Variants in ATP13A3 observed in about 807,000 individuals in gnomAD.
The protein encoded by ATP13A3 is polyamine-transporting ATPase 13A3.
A neutral mutation model predicts 158.1 loss-of-function variants in ATP13A3; 59 were observed. That is an observed-to-expected ratio of 0.37 (90% CI 0.30 to 0.46). The LOEUF (loss-of-function observed/expected upper bound fraction) is 0.46, where lower values mean the gene tolerates loss of function less well. ATP13A3 is among the 20% of genes least tolerant of loss of function. The pLI, the probability that ATP13A3 is intolerant of heterozygous loss-of-function variation, is 1.00. For missense variants in ATP13A3, 1,166 were observed against 1,525.2 expected, an observed-to-expected ratio of 0.76 and a Z score of 3.92; for synonymous variants, 491 against 504.3, an observed-to-expected ratio of 0.97 and a Z score of 0.35.
chr3:194,409,979 GT>G (rs1414227776), intron 33 of ATP13A3, among the ~76,000 whole-genome samples: 2 of 151,800 alleles, frequency 1.3e-5, no homozygotes, highest in African/African-American at 2.4e-5. Flanking sequence ...AAGCCAGTAA[GT>G]TTTTAAGTCT....
chr3:194,438,390 C>T lies in ATP13A3; in HGVS notation c.1827+466G>A, dbSNP rs78374117. ...TTAAAAATTCACCTAAAAGTAAAGCCTTTCATACATACTTTTTATTAAATT... is the reference window on the plus strand; with the variant it reads ...TTAAAAATTCACCTAAAAGTAAAGCTTTTCATACATACTTTTTATTAAATT... On this transcript the variant is annotated intron_variant, in intron 17 of 33. Transcript: ENST00000645319. Among the ~76,000 whole-genome samples, 980 of 152,110 alleles carry T rather than the reference C, an allele frequency of 6.4e-3. 12 individuals are homozygous for T. Among genetic ancestry groups the T allele is most frequent in the African/African-American group, 0.022 (926 of 41,486 alleles).
chr3:194,464,236 C>G (rs2108990377), intron 2 of ATP13A3, among the ~76,000 whole-genome samples: 1 of 152,288 alleles, frequency 6.6e-6, no homozygotes, highest in African/African-American at 2.4e-5. Context: ...ACATTCTTAT[C>G]AAATATGTGA....
At chr3:194,457,030 G>T in intron 7 of ATP13A3, 64 bp downstream of exon 7, 1 of 1,170,606 alleles carries the variant, frequency 8.5e-7, no homozygotes, top group South Asian at 1.3e-5. Context: ...GTAAAGGGTT[G>T]ATTATGTATA....
chr3:194,414,842 G>C (rs753652313), intron 31 of ATP13A3, among the ~76,000 whole-genome samples: 4 of 152,188 alleles, frequency 2.6e-5, no homozygotes, highest in African/African-American at 4.8e-5. Flanking sequence ...GGGATCTGTT[G>C]GGTGGAACAC....
chr3:194,454,451 C>T (rs1719050254), intron 8 of ATP13A3, 59 bp from the exon 9 acceptor site: 1 of 1,480,524 alleles, frequency 6.8e-7, no homozygotes. Flanking sequence ...TACAGATTGT[C>T]CATCTTTTCA....
At chr3:194,485,940 T>A (rs185831406) in intron 1 of ATP13A3, 105 bp from the exon 2 acceptor site, 1 of 151,634 alleles carries the variant, frequency 6.6e-6, no homozygotes, top group African/African-American at 2.4e-5. Flanking sequence ...TCCCCCTTCA[T>A]CCCTACCCCT....
chr3:194,488,159 T>A (rs773354647), upstream of ATP13A3: 3 of 152,398 alleles, frequency 2.0e-5, no homozygotes, highest in Non-Finnish European at 4.4e-5. The surrounding 1 kb of genome is among the most constrained non-coding windows in gnomAD (Gnocchi z 4.1). Context: ...AGCTTTCTCT[T>A]CCCAATCCCT....
At chr3:194,425,784 GTTTT>G (rs998270465) in intron 29 of ATP13A3, among the ~76,000 whole-genome samples, 9 of 152,096 alleles carry the variant, frequency 5.9e-5, no homozygotes, top group Non-Finnish European at 5.9e-5. Context: ...GCCCCCCTCA[GTTTT>G]TTTAATTTTG....
chr3:194,446,794 T>C, intron 14 of ATP13A3, 133 bp downstream of exon 14: 1 of 825,834 alleles, frequency 1.2e-6, no homozygotes, highest in Non-Finnish European at 1.9e-6. Context: ...ACCAAATAAG[T>C]GGAGGAAAAG....
At chr3:194,453,857 A>G in intron 9 of ATP13A3, 79 bp from the exon 10 acceptor site, 1 of 1,036,142 alleles carries the variant, frequency 9.7e-7, no homozygotes, top group South Asian at 1.4e-5. Context: ...CTAAAAAAAT[A>G]AGTTAATTCA....
intron 30 of ATP13A3, among the ~76,000 whole-genome samples, chr3:194,421,119 TATATATATATATATATA>T (rs2108769587): frequency 2.7e-5 from 1 of 36,620 alleles, no homozygotes; most frequent in Non-Finnish European, 4.8e-5. Flanking sequence ...AGGGTGTATA[TATATATATATATATATA>T]GTATATATAT....
At chr3:194,473,292 A>T (rs573755135) in intron 2 of ATP13A3, among the ~76,000 whole-genome samples, 1 of 152,292 alleles carries the variant, frequency 6.6e-6, no homozygotes, top group East Asian at 1.9e-4. Context: ...AACAAATGAT[A>T]ATGGGGCGGA....
chr3:194,437,192 A>G lies in ATP13A3; in HGVS notation c.2023T>C (p.Leu675=). 1 of 1,614,108 alleles carries G rather than the reference A, an allele frequency of 6.2e-7. No homozygotes were observed. Among genetic ancestry groups the G allele is most frequent in the South Asian group, 1.1e-5 (1 of 91,060 alleles). The part of the protein sequence containing the change: ...ETVPVDFQNV[L]EDFTKQGFRV... ...AAGCCCTGTTTAGTGAAGTCTTCCA[A>G]AACGTTTTGAAAATCGACAGGAACT... Residue 675 remains leucine, a synonymous_variant, in exon 20 of 34, where the codon TTG becomes CTG. Coordinates refer to ENST00000645319, the MANE Select transcript of ATP13A3 (RefSeq NM_001367549.1).
At chr3:194,471,317 C>T (rs1577089560) in intron 2 of ATP13A3, among the ~76,000 whole-genome samples, 1 of 89,916 alleles carries the variant, frequency 1.1e-5, no homozygotes, top group East Asian at 3.0e-4. Flanking sequence ...TAAGTAGCAG[C>T]AAATTCTAAA....
At chr3:194,457,301 C>G in intron 6 of ATP13A3, 127 bp from the exon 7 acceptor site, 1 of 619,392 alleles carries the variant, frequency 1.6e-6, no homozygotes, top group East Asian at 3.0e-5. Flanking sequence ...AAACCCTTAA[C>G]AAAAATTGAG....
intron 27 of ATP13A3, among the ~76,000 whole-genome samples, chr3:194,429,143 A>C (rs554893107): frequency 1.3e-5 from 2 of 152,206 alleles, no homozygotes; most frequent in South Asian, 4.2e-4. Context: ...AAATTCGTTC[A>C]ATAGGCTGGG....
chr3:194,485,513 AT>A (rs1385485557), intron 2 of ATP13A3, among the ~76,000 whole-genome samples: 1 of 152,228 alleles, frequency 6.6e-6, no homozygotes, highest in Non-Finnish European at 1.5e-5. Context: ...AAACACTTTC[AT>A]TTTAACAACG....
At chr3:194,423,520 C>T (rs971479568) in intron 30 of ATP13A3, among the ~76,000 whole-genome samples, 1 of 152,152 alleles carries the variant, frequency 6.6e-6, no homozygotes, top group Non-Finnish European at 1.5e-5. Context: ...TGGCAGAATG[C>T]CTGCATCAAC....
In ATP13A3 at chr3:194,403,840, C is replaced by A. The variant is rs1347132535; in HGVS notation, c.*2079G>T. ...TTCCTACAAATGCTTTTCCAGCCAC[C>A]TAAACACCTCATTCCTTTGAAAACA... On this transcript the variant is annotated 3_prime_UTR_variant, in exon 34 of 34. Transcript: ENST00000645319. The A allele has an allele frequency of 4.2e-6, 1 of 240,950 alleles. No individual in the cohort carries two copies. Among genetic ancestry groups the A allele is most frequent in the African/African-American group, 2.4e-5 (1 of 42,172 alleles). 14.9% of individuals were successfully genotyped at this position (240,950 alleles called of 1,614,324 possible). A position where few individuals can be genotyped will look rare whatever the true frequency, so the allele number is the denominator to read the frequency against.
Sources: gnomAD v4.1 joint callset for allele counts (sites outside exome capture counted in the v4.1 genomes callset) on GRCh38, gnomAD v4.1.1 for gene constraint, Gnocchi (gnomAD v3.1) non-coding constraint, MANE v1.5 for transcripts, NCBI Gene and HGNC (gene_info 2026-07-23, HGNC 2026-07-21) for gene names.